Variants in MSH3 observed in about 807,000 individuals in gnomAD.
The protein encoded by MSH3 is DNA mismatch repair protein Msh3.
Under a neutral mutation model 123.3 loss-of-function variants are expected in MSH3, and 106 were observed. That is an observed-to-expected ratio of 0.86 (90% CI 0.73 to 1.01). The LOEUF (loss-of-function observed/expected upper bound fraction) is 1.01. Among genes scored for constraint, MSH3 ranks in the 50% least tolerant of loss-of-function variants. MSH3 has a pLI of 0.00. For missense variants in MSH3, 1,459 were observed against 1,347.6 expected (o/e 1.08, Z -1.29); for synonymous variants, 515 against 481.4 (o/e 1.07, Z -0.91).
At chr5:80,792,200 C>T (rs983811988) in intron 18 of MSH3, among the ~76,000 whole-genome samples, 3 of 151,890 alleles carry the variant, frequency 2.0e-5, no homozygotes, top group Non-Finnish European at 4.4e-5. Context: ...GTTATCTTTA[C>T]TAATGAAAAT....
intron 4 of MSH3, among the ~76,000 whole-genome samples, chr5:80,671,994 T>C (rs190540221): frequency 2.0e-5 from 3 of 150,088 alleles, no homozygotes; most frequent in Non-Finnish European, 4.5e-5. Flanking sequence ...CCTGTCATAT[T>C]TTTCTGAGTC....
In MSH3 at chr5:80,873,106, T is replaced by C; in HGVS notation, c.3131-10T>C. 6.2e-7 allele frequency: 1 copy of C among 1,611,952 alleles called. No individual in the cohort carries two copies. Among genetic ancestry groups the C allele is most frequent in the Non-Finnish European group, 8.5e-7 (1 of 1,178,126 alleles). On this transcript the variant is annotated splice_polypyrimidine_tract_variant and intron_variant, in intron 22 of 23. Coordinates refer to ENST00000265081, the MANE Select transcript of MSH3 (RefSeq NM_002439.5). ...AGGCACAGTTTTGATCTCCTTTCTTTATTTCACAGGCGCAGCAGAACAAGT... is the reference window on the plus strand; with the variant it reads ...AGGCACAGTTTTGATCTCCTTTCTTCATTTCACAGGCGCAGCAGAACAAGT...
Position 80,803,279 on chromosome 5 carries a change from G to A in MSH3, c.2656-10305G>A, listed in dbSNP as rs539474083. Among the ~76,000 whole-genome samples, 24 of 152,170 alleles carry A rather than the reference G, an allele frequency of 1.6e-4. No individual in the cohort carries two copies. In the South Asian group the frequency reaches 4.6e-3, roughly 29 times the overall value. ...CTTTTGAATATGTCATTTTGACTGG[G>A]GTGAGATGATATCTCATTGTAATTT... On this transcript the variant is annotated intron_variant, in intron 19 of 23. Coordinates refer to ENST00000265081, the MANE Select transcript of MSH3 (RefSeq NM_002439.5).
rs368298117 is a variant in MSH3 at position 80,800,599 on chromosome 5, G to A, written c.2655+7755G>A. Among the ~76,000 whole-genome samples, 25 of 152,320 alleles carry A rather than the reference G, an allele frequency of 1.6e-4. No homozygotes were observed. In the South Asian group the frequency reaches 3.7e-3, roughly 23 times the overall value. ...TACTTATTGTGTCATCTTGGGAACC[G>A]TGGAAACAAGGGGGTCATATATTCT... On this transcript the variant is annotated intron_variant, in intron 19 of 23. Coordinates refer to ENST00000265081, the MANE Select transcript of MSH3 (RefSeq NM_002439.5).
At position 80,780,623 on chromosome 5, in the gene MSH3, T is replaced by C. The variant is rs557270162; in HGVS notation, c.2435+1787T>C. On this transcript the variant is annotated intron_variant, in intron 17 of 23. Transcript: ENST00000265081. ...GGCTCACACCTGTAATCCCAGCAGTTTGGGAGGCTGAGGTGGGCAGATCAC... is the reference window on the plus strand; with the variant it reads ...GGCTCACACCTGTAATCCCAGCAGTCTGGGAGGCTGAGGTGGGCAGATCAC... Among the ~76,000 whole-genome samples, 229 of 152,224 alleles carry C rather than the reference T, an allele frequency of 1.5e-3. 2 individuals carry two copies. Among genetic ancestry groups the C allele is most frequent in the African/African-American group, 5.2e-3 (215 of 41,540 alleles).
chr5:80,808,347 GGGACCTCCA>G (rs1744935488), intron 19 of MSH3, among the ~76,000 whole-genome samples: 1 of 151,920 alleles, frequency 6.6e-6, no homozygotes, highest in Non-Finnish European at 1.5e-5. Flanking sequence ...TTTTCTATCT[GGGACCTCCA>G]GGAAAATGTG....
chr5:80,704,572 G>C (rs1750678440), intron 8 of MSH3, among the ~76,000 whole-genome samples: 1 of 152,120 alleles, frequency 6.6e-6, no homozygotes, highest in Admixed American at 6.6e-5. Context: ...AGTGATTATG[G>C]TGCTTTTTGC....
intron 6 of MSH3, among the ~76,000 whole-genome samples, chr5:80,674,246 T>C (rs1749785475): frequency 6.6e-6 from 1 of 152,210 alleles, no homozygotes; most frequent in Non-Finnish European, 1.5e-5. Context: ...CAAAGATATG[T>C]CCAGACTTTG....
intron 22 of MSH3, 142 bp downstream of exon 22, chr5:80,865,084 TG>T (rs1197764495): frequency 2.2e-6 from 2 of 910,238 alleles, no homozygotes; most frequent in African/African-American, 3.3e-5. Context: ...GATTCATTTT[TG>T]CTAAGCTTTA....
chr5:80,788,755 A>G lies in MSH3; in HGVS notation c.2543+1083A>G, dbSNP rs139411639. Among the ~76,000 whole-genome samples the G allele has an allele frequency of 2.6e-3, 401 of 151,644 alleles. 3 individuals carry two copies. Among genetic ancestry groups the G allele is most frequent in the Non-Finnish European group, 4.7e-3 (318 of 67,874 alleles). Reference sequence around the variant, plus strand: ...AAGTTTGAGGCTGCAGTGAGCCATGATAGTGCCCATGCACTCCAGCCTGGG... The same window carrying G: ...AAGTTTGAGGCTGCAGTGAGCCATGGTAGTGCCCATGCACTCCAGCCTGGG... On this transcript the variant is annotated intron_variant, in intron 18 of 23. Coordinates refer to ENST00000265081, the MANE Select transcript of MSH3 (RefSeq NM_002439.5).
At chr5:80,692,454 AGATAAACATGTATATGTT>A (rs1561444962) in intron 8 of MSH3, among the ~76,000 whole-genome samples, 19 of 49,702 alleles carry the variant, frequency 3.8e-4, no homozygotes, top group East Asian at 3.5e-3. Flanking sequence ...ATGTTTAGAT[AGATAAACATGTATATGTT>A]TAGATAGATA....
chr5:80,874,717 T>C (rs1746276464), intron 23 of MSH3, among the ~76,000 whole-genome samples: 1 of 152,172 alleles, frequency 6.6e-6, no homozygotes, highest in African/African-American at 2.4e-5. Flanking sequence ...AGCAATAAAA[T>C]ATGGCAATTT....
At chr5:80,778,861 A>G (rs1444546626) in intron 17 of MSH3, 25 bp downstream of exon 17, 2 of 1,311,328 alleles carry the variant, frequency 1.5e-6, no homozygotes, top group Non-Finnish European at 2.2e-6. Flanking sequence ...AAAAAATATA[A>G]TCTGACTTTT....
chr5:80,732,067 T>C (rs1743421819), intron 10 of MSH3, among the ~76,000 whole-genome samples: 1 of 152,202 alleles, frequency 6.6e-6, no homozygotes, highest in Non-Finnish European at 1.5e-5. Context: ...TAAGGATGAT[T>C]TAAGTGAAGT....
At position 80,654,905 on chromosome 5, in the gene MSH3, G is replaced by GCCGCAGCGGCCGCAGAGC; in HGVS notation, c.186_187insGCCGCAGAGCCCGCAGCG (p.Ala62_Pro63insAlaAlaGluProAlaAla). Reference sequence around the variant, plus strand: ...TGCAGCGGCTGCAGCGGCCGCAGCGGCCGCAGCGCCCCCAGCGCCCCCAGC... The same window carrying GCCGCAGCGGCCGCAGAGC: ...TGCAGCGGCTGCAGCGGCCGCAGCGGCCGCAGCGGCCGCAGAGCCCGCAGCGCCCCCAGCGCCCCCAGC... On this transcript the variant is annotated inframe_insertion, in exon 1 of 24. Coordinates refer to ENST00000265081, the MANE Select transcript of MSH3 (RefSeq NM_002439.5). The GCCGCAGCGGCCGCAGAGC allele has an allele frequency of 6.7e-7, 1 of 1,494,090 alleles. No individual in the cohort carries two copies. The highest frequency in any genetic ancestry group is 8.9e-7 in the Non-Finnish European group (1 of 1,126,380). The allele number at this position is 1,494,090 out of a possible 1,614,324, so 92.6% of individuals were successfully genotyped here. A position where few individuals can be genotyped will look rare whatever the true frequency, so the allele number is the denominator to read the frequency against.
At chr5:80,681,930 T>C (rs1317541314) in intron 8 of MSH3, among the ~76,000 whole-genome samples, 1 of 152,170 alleles carries the variant, frequency 6.6e-6, no homozygotes, top group Admixed American at 6.5e-5. Flanking sequence ...TTTACCAAAT[T>C]TAATGCCTGC....
intron 8 of MSH3, among the ~76,000 whole-genome samples, chr5:80,685,484 C>CT (rs1382527439): frequency 1.3e-5 from 2 of 151,790 alleles, no homozygotes; most frequent in East Asian, 3.9e-4. Context: ...ACTAATGATC[C>CT]TTTGAATTCC....
chr5:80,733,213 A>C (rs1315062861), intron 10 of MSH3, among the ~76,000 whole-genome samples: 1 of 152,204 alleles, frequency 6.6e-6, no homozygotes, highest in Non-Finnish European at 1.5e-5. Flanking sequence ...AGGGGTGTTA[A>C]GACAATTCAG....
chr5:80,742,369 G>T (rs545857493), intron 11 of MSH3, among the ~76,000 whole-genome samples: 1 of 152,080 alleles, frequency 6.6e-6, no homozygotes, highest in Non-Finnish European at 1.5e-5. Flanking sequence ...AAGATAACGG[G>T]GAGATTAAAC....
Sources: gnomAD v4.1 joint callset for allele counts (sites outside exome capture counted in the v4.1 genomes callset) on GRCh38, gnomAD v4.1.1 for gene constraint, MANE v1.5 for transcripts, NCBI Gene and HGNC (gene_info 2026-07-23, HGNC 2026-07-21) for gene names.